KLF13: variants seen among roughly 807,000 people sequenced by gnomAD.
KLF13 encodes KLF transcription factor 13.
In KLF13, 8 loss-of-function variants were observed where a neutral mutation model predicts 16.7. The ratio of observed to expected loss-of-function variants is 0.48; its 90% confidence interval spans 0.28 to 0.87. The LOEUF (loss-of-function observed/expected upper bound fraction) is 0.87, where lower values mean the gene tolerates loss of function less well. KLF13 is among the 40% of genes least tolerant of loss of function. KLF13 has a pLI of 0.10. For missense variants in KLF13, 447 were observed against 452.2 expected (o/e 0.99, Z 0.10); for synonymous variants, 245 against 208.4 (o/e 1.18, Z -1.51).
intron 1 of KLF13, among the ~76,000 whole-genome samples, chr15:31,384,198 G>A (rs1301316087): frequency 6.6e-6 from 1 of 152,220 alleles, no homozygotes; most frequent in Non-Finnish European, 1.5e-5. Flanking sequence ...CAGCACTTTG[G>A]AAGGCTGAGG....
chr15:31,365,857 G>C (rs1323639884), intron 1 of KLF13, among the ~76,000 whole-genome samples: 1 of 152,100 alleles, frequency 6.6e-6, no homozygotes, highest in Non-Finnish European at 1.5e-5. Context: ...CGGATTGGGG[G>C]CTCAGCTGAA....
chr15:31,347,415 G>A (rs1026565682), intron 1 of KLF13, among the ~76,000 whole-genome samples: 2 of 152,272 alleles, frequency 1.3e-5, no homozygotes, highest in African/African-American at 4.8e-5. Context: ...AGGCTTTGCC[G>A]CACGTGGGTG....
Position 31,372,409 on chromosome 15 carries a change from A to G in KLF13, c.*110A>G. The G allele has an allele frequency of 1.7e-6, 2 of 1,203,656 alleles. No homozygotes were observed. The highest frequency in any genetic ancestry group is 2.2e-6 in the Non-Finnish European group (2 of 925,406). 74.6% of individuals were successfully genotyped at this position (1,203,656 alleles called of 1,614,324 possible). A position where few individuals can be genotyped will look rare whatever the true frequency, so the allele number is the denominator to read the frequency against. Reference sequence around the variant, plus strand: ...TTGATGCAAAGTCCACGAAAAAACAATTTTTTTCACCTCAGGTGTCAAAGT... The same window carrying G: ...TTGATGCAAAGTCCACGAAAAAACAGTTTTTTTCACCTCAGGTGTCAAAGT... On this transcript the variant is annotated 3_prime_UTR_variant, in exon 2 of 2. Transcript: ENST00000307145.
intron 1 of KLF13, among the ~76,000 whole-genome samples, chr15:31,364,047 G>C (rs1317884647): frequency 6.6e-6 from 1 of 152,002 alleles, no homozygotes; most frequent in African/African-American, 2.4e-5. Flanking sequence ...ACTACCTTTC[G>C]TTCTAATTCT....
chr15:31,363,738 A>G (rs2140958890), intron 1 of KLF13, among the ~76,000 whole-genome samples: 1 of 152,314 alleles, frequency 6.6e-6, no homozygotes, highest in Non-Finnish European at 1.5e-5. Context: ...CTCCTGCCTC[A>G]GCCTCCCAAA....
chr15:31,410,020 C>T (rs1028858404), intron 1 of KLF13, among the ~76,000 whole-genome samples: 1 of 152,000 alleles, frequency 6.6e-6, no homozygotes, highest in African/African-American at 2.4e-5. Context: ...CTCTAAAAGA[C>T]AACGGTCTCA....
At chr15:31,336,793 G>A (rs1365019868) in intron 1 of KLF13, among the ~76,000 whole-genome samples, 2 of 152,252 alleles carry the variant, frequency 1.3e-5, no homozygotes, top group Admixed American at 1.3e-4. Flanking sequence ...TTACCAAAAA[G>A]GTTAAGGCTA....
At chr15:31,368,665 C>A (rs2039512182) in intron 1 of KLF13, among the ~76,000 whole-genome samples, 1 of 152,088 alleles carries the variant, frequency 6.6e-6, no homozygotes. Context: ...ACCAGCCTAG[C>A]CAACATGGTG....
chr15:31,337,580 A>G (rs2038952164), intron 1 of KLF13, among the ~76,000 whole-genome samples: 1 of 152,236 alleles, frequency 6.6e-6, no homozygotes, highest in African/African-American at 2.4e-5. Flanking sequence ...ATGCACACCT[A>G]AATGGCATAG....
At chr15:31,366,827 A>G (rs1162587677) in intron 1 of KLF13, among the ~76,000 whole-genome samples, 1 of 150,486 alleles carries the variant, frequency 6.6e-6, no homozygotes, top group East Asian at 1.9e-4. Context: ...AAGCTTGAGG[A>G]CACTCGCAGG....
intron 1 of KLF13, among the ~76,000 whole-genome samples, chr15:31,357,645 G>C (rs2039320607): frequency 6.6e-6 from 1 of 152,198 alleles, no homozygotes; most frequent in African/African-American, 2.4e-5. Flanking sequence ...TCTGAGCTGG[G>C]TCTGGAGTCG....
chr15:31,369,463 G>C (rs1043563879), intron 1 of KLF13, among the ~76,000 whole-genome samples: 1 of 152,200 alleles, frequency 6.6e-6, no homozygotes, highest in African/African-American at 2.4e-5. Context: ...ATAATCATGA[G>C]GCATTTTCGT....
chr15:31,348,311 C>T (rs1423953464), intron 1 of KLF13, among the ~76,000 whole-genome samples: 1 of 152,166 alleles, frequency 6.6e-6, no homozygotes. Context: ...CCCAGAGGGC[C>T]TGGCTCTGTC....
chr15:31,344,113 T>A (rs181714667), intron 1 of KLF13, among the ~76,000 whole-genome samples: 6 of 152,236 alleles, frequency 3.9e-5, no homozygotes, highest in Admixed American at 2.0e-4. Context: ...CTGCCAATAC[T>A]TAGCAGCTAC....
At chr15:31,424,246 C>G (rs2040376614) in intron 1 of KLF13, among the ~76,000 whole-genome samples, 1 of 151,904 alleles carries the variant, frequency 6.6e-6, no homozygotes, top group Non-Finnish European at 1.5e-5. Context: ...ACTCTGATTC[C>G]AAAATTAGAC....
At chr15:31,368,836 ATAGATAGATAGG>A (rs1015275033) in intron 1 of KLF13, among the ~76,000 whole-genome samples, 1 of 152,044 alleles carries the variant, frequency 6.6e-6, no homozygotes, top group African/African-American at 2.4e-5. Flanking sequence ...AGATAGATAG[ATAGATAGATAGG>A]TAGATAGATA....
At chr15:31,402,501 C>T (rs781678331) in intron 2 of KLF13, among the ~76,000 whole-genome samples, 21 of 152,338 alleles carry the variant, frequency 1.4e-4, no homozygotes, top group Non-Finnish European at 2.5e-4. Context: ...TGTGATGGCT[C>T]AATGTGGAGA....
At chr15:31,378,280 C>G (rs1172192617), downstream of KLF13, among the ~76,000 whole-genome samples, 1 of 152,198 alleles carries the variant, frequency 6.6e-6, no homozygotes, top group Non-Finnish European at 1.5e-5. Context: ...TTCTTTCAAC[C>G]CCAGATGCGC....
chr15:31,429,343 A>T (rs867967986), intron 1 of KLF13, among the ~76,000 whole-genome samples: 1 of 152,256 alleles, frequency 6.6e-6, no homozygotes, highest in Non-Finnish European at 1.5e-5. Flanking sequence ...CAAAAGGGCA[A>T]ATAATGCCCG....
Sources: allele counts gnomAD v4.1 joint callset (sites outside exome capture counted in the v4.1 genomes callset), GRCh38; gene constraint gnomAD v4.1.1; transcripts MANE v1.5; gene names NCBI Gene and HGNC (gene_info 2026-07-23, HGNC 2026-07-21).